TRMT11: variants seen among roughly 807,000 people sequenced by gnomAD.
TRMT11 encodes tRNA methyltransferase 11, also known as tRNA (guanine(10)-N(2))-methyltransferase TRMT11.
In TRMT11, 53 loss-of-function variants were observed where a neutral mutation model predicts 62.8. The ratio of observed to expected loss-of-function variants is 0.84; its 90% confidence interval spans 0.68 to 1.06. The LOEUF (loss-of-function observed/expected upper bound fraction) is 1.06, where lower values mean the gene tolerates loss of function less well. Ranked by LOEUF, TRMT11 falls within the 50% of genes least tolerant of loss-of-function variation. TRMT11 has a pLI of 0.00. For missense variants in TRMT11, 556 were observed against 553.4 expected, an observed-to-expected ratio of 1.00 and a Z score of -0.05; for synonymous variants, 188 against 190.3, an observed-to-expected ratio of 0.99 and a Z score of 0.10.
At chr6:126,062,370 C>T (rs1196691351) in intron 17 of TRMT11, among the ~76,000 whole-genome samples, 1 of 152,154 alleles carries the variant, frequency 6.6e-6, no homozygotes, top group Non-Finnish European at 1.5e-5. Flanking sequence ...TGTTATTGTT[C>T]CAATTTTATT....
intron 21 of TRMT11, among the ~76,000 whole-genome samples, chr6:126,141,560 CAGTGAAGG>C (rs1777917237): frequency 6.6e-6 from 1 of 152,080 alleles, no homozygotes; most frequent in Non-Finnish European, 1.5e-5. Flanking sequence ...CCTGGCAGGC[CAGTGAAGG>C]TGATGTGAGA....
intron 17 of TRMT11, among the ~76,000 whole-genome samples, chr6:126,095,896 A>T (rs1280832513): frequency 6.6e-6 from 1 of 152,188 alleles, no homozygotes; most frequent in African/African-American, 2.4e-5. Flanking sequence ...ATGAGAAAGC[A>T]TAGCTTATTG....
chr6:126,141,081 T>C (rs1777911635), intron 21 of TRMT11, among the ~76,000 whole-genome samples: 1 of 152,062 alleles, frequency 6.6e-6, no homozygotes, highest in Admixed American at 6.6e-5. Flanking sequence ...TTTGTATTAA[T>C]ATATGCCCTT....
intron 17 of TRMT11, among the ~76,000 whole-genome samples, chr6:126,092,427 A>G (rs1435889612): frequency 6.6e-6 from 1 of 152,186 alleles, no homozygotes; most frequent in Non-Finnish European, 1.5e-5. Flanking sequence ...TTAGAAAACC[A>G]TCAGATCTCA....
At chr6:126,006,504 G>C (rs1455254409) in intron 7 of TRMT11, among the ~76,000 whole-genome samples, 2 of 151,866 alleles carry the variant, frequency 1.3e-5, no homozygotes, top group Admixed American at 6.6e-5. Flanking sequence ...ACACCGAGTT[G>C]CTAGCATAGA....
chr6:126,074,061 C>T (rs1208533756), intron 17 of TRMT11, among the ~76,000 whole-genome samples: 3 of 152,126 alleles, frequency 2.0e-5, no homozygotes, highest in African/African-American at 4.8e-5. Flanking sequence ...TCCCATGACA[C>T]GTGGGGATTA....
At chr6:126,064,466 G>A (rs1424491753) in intron 17 of TRMT11, among the ~76,000 whole-genome samples, 4 of 152,078 alleles carry the variant, frequency 2.6e-5, no homozygotes, top group African/African-American at 9.7e-5. Flanking sequence ...GCTGTGTAAG[G>A]GTAAGTGAGG....
the TRMT11 span, among the ~76,000 whole-genome samples, chr6:126,234,535 G>C: frequency 3.3e-5 from 5 of 152,118 alleles, no homozygotes; most frequent in Non-Finnish European, 7.4e-5. Flanking sequence ...AGGCCCCAGA[G>C]ATAAGGTGTC....
chr6:126,257,135 G>A, the TRMT11 span, among the ~76,000 whole-genome samples: 6 of 151,642 alleles, frequency 4.0e-5, no homozygotes, highest in African/African-American at 1.2e-4. Context: ...ATCCACCCAC[G>A]TCAGCATCCC....
chr6:126,127,067 TAGA>T (rs932253990), intron 21 of TRMT11, among the ~76,000 whole-genome samples: 3 of 152,140 alleles, frequency 2.0e-5, no homozygotes, highest in African/African-American at 7.2e-5. Context: ...AGAACAATAT[TAGA>T]AGAAGGAGGT....
At chr6:126,205,954 C>G (rs557536387), downstream of TRMT11, among the ~76,000 whole-genome samples, 30 of 152,006 alleles carry the variant, frequency 2.0e-4, no homozygotes, top group East Asian at 5.6e-3. Flanking sequence ...CGCACACACA[C>G]ACAGGAATAT....
At chr6:126,230,131 T>C in the TRMT11 span, among the ~76,000 whole-genome samples, 3 of 152,272 alleles carry the variant, frequency 2.0e-5, no homozygotes, top group African/African-American at 2.4e-5. Flanking sequence ...TAGGGTTTTA[T>C]TGGCATGAAA....
At chr6:125,993,110 G>A (rs1339139518) in intron 1 of TRMT11, among the ~76,000 whole-genome samples, 1 of 152,082 alleles carries the variant, frequency 6.6e-6, no homozygotes, top group African/African-American at 2.4e-5. Context: ...AGACCTATAT[G>A]GAAGAGTGTG....
downstream of TRMT11, among the ~76,000 whole-genome samples, chr6:126,204,934 T>G (rs555777878): frequency 6.6e-6 from 1 of 152,352 alleles, no homozygotes; most frequent in Non-Finnish European, 1.5e-5. Flanking sequence ...TACAAGATAT[T>G]TACACCTAGG....
At chr6:126,234,202 C>T in the TRMT11 span, among the ~76,000 whole-genome samples, 9 of 152,046 alleles carry the variant, frequency 5.9e-5, no homozygotes, top group Non-Finnish European at 1.2e-4. Flanking sequence ...TAGAGACACT[C>T]CTTTGGGTTA....
At chr6:126,159,367 A>G (rs1163024774) in intron 21 of TRMT11, among the ~76,000 whole-genome samples, 1 of 152,182 alleles carries the variant, frequency 6.6e-6, no homozygotes, top group Non-Finnish European at 1.5e-5. Context: ...TTATTGTGCA[A>G]AACTAGCCAT....
chr6:126,254,685 T>C, the TRMT11 span, among the ~76,000 whole-genome samples: 863 of 152,320 alleles, frequency 5.7e-3, 13 homozygotes, highest in African/African-American at 0.02. Context: ...TTATTTCTCC[T>C]TTTCTTTGGT....
chr6:126,069,256 A>G (rs971571905), intron 17 of TRMT11, among the ~76,000 whole-genome samples: 10 of 152,174 alleles, frequency 6.6e-5, no homozygotes, highest in African/African-American at 2.2e-4. Flanking sequence ...ATGGCTTTGG[A>G]GTTTGTGATC....
At chr6:126,002,716 A>C (rs1176078825) in intron 7 of TRMT11, among the ~76,000 whole-genome samples, 3 of 152,120 alleles carry the variant, frequency 2.0e-5, no homozygotes, top group African/African-American at 7.2e-5. Flanking sequence ...GAACTACACA[A>C]GAAGTGGTAC....
Sources: gnomAD v4.1 joint callset for allele counts (sites outside exome capture counted in the v4.1 genomes callset) on GRCh38, gnomAD v4.1.1 for gene constraint, MANE v1.5 for transcripts, NCBI Gene and HGNC (gene_info 2026-07-23, HGNC 2026-07-21) for gene names.